CSNK2A2IP: variants seen among roughly 807,000 people sequenced by gnomAD.
The protein encoded by CSNK2A2IP is casein kinase 2 subunit alpha' interacting protein.
the CSNK2A2IP span, among the ~76,000 whole-genome samples, chr3:88,363,776 T>C: frequency 0.024 from 3,699 of 152,274 alleles, 95 homozygotes; most frequent in East Asian, 0.075. Flanking sequence ...TATAAGTTAA[T>C]TTTTCCTCAC....
chr3:88,456,937 A>G, the CSNK2A2IP span, among the ~76,000 whole-genome samples: 2 of 152,046 alleles, frequency 1.3e-5, no homozygotes, highest in Non-Finnish European at 2.9e-5. Flanking sequence ...TCTTGAATAG[A>G]TATTCAAACT....
chr3:88,453,441 TTAAA>T, the CSNK2A2IP span, among the ~76,000 whole-genome samples: 20 of 152,080 alleles, frequency 1.3e-4, no homozygotes, highest in Non-Finnish European at 2.6e-4. Flanking sequence ...TGCTAGAAAA[TTAAA>T]TCTGTACATA....
At chr3:88,448,411 A>G in the CSNK2A2IP span, among the ~76,000 whole-genome samples, 2 of 152,252 alleles carry the variant, frequency 1.3e-5, no homozygotes, top group Middle Eastern at 3.4e-3. Flanking sequence ...CTCTATCTAA[A>G]CCAATTAATA....
the CSNK2A2IP span, among the ~76,000 whole-genome samples, chr3:88,449,860 T>TAC: frequency 2.1e-5 from 1 of 46,836 alleles, no homozygotes; most frequent in East Asian, 8.8e-4. Context: ...CACACATATA[T>TAC]ATATATATAT....
At chr3:88,466,627 G>A in the CSNK2A2IP span, 21 of 1,230,502 alleles carry the variant, frequency 1.7e-5, no homozygotes, top group Admixed American at 4.2e-5. Flanking sequence ...CATTGTTAAA[G>A]GTGGAACTGT....
chr3:88,423,979 G>A, the CSNK2A2IP span, among the ~76,000 whole-genome samples: 4 of 152,060 alleles, frequency 2.6e-5, no homozygotes, highest in Non-Finnish European at 5.9e-5. Flanking sequence ...TTAAAAATTA[G>A]GCTACACAAA....
chr3:88,364,810 A>G, the CSNK2A2IP span, among the ~76,000 whole-genome samples: 3 of 152,192 alleles, frequency 2.0e-5, no homozygotes, highest in Non-Finnish European at 4.4e-5. Context: ...AATGAAGCAC[A>G]GATTTTAGAC....
At chr3:88,450,899 C>G in the CSNK2A2IP span, among the ~76,000 whole-genome samples, 1 of 151,996 alleles carries the variant, frequency 6.6e-6, no homozygotes, top group African/African-American at 2.4e-5. Flanking sequence ...TATTGTAGTT[C>G]TATTTTTAAT....
At chr3:88,428,031 G>A in the CSNK2A2IP span, among the ~76,000 whole-genome samples, 2 of 152,144 alleles carry the variant, frequency 1.3e-5, no homozygotes, top group Non-Finnish European at 2.9e-5. Context: ...CCAGAAGGGG[G>A]GCTGTGGGTT....
the CSNK2A2IP span, among the ~76,000 whole-genome samples, chr3:88,364,561 T>C: frequency 2.0e-5 from 3 of 152,002 alleles, no homozygotes; most frequent in East Asian, 1.9e-4. Context: ...GGAGATAATA[T>C]AGGATGTTGG....
At chr3:88,344,058 G>A in the CSNK2A2IP span, among the ~76,000 whole-genome samples, 1 of 151,856 alleles carries the variant, frequency 6.6e-6, no homozygotes, top group African/African-American at 2.4e-5. Context: ...ACATTTTAGT[G>A]CTAAAAACTT....
the CSNK2A2IP span, among the ~76,000 whole-genome samples, chr3:88,363,476 A>G: frequency 3.3e-5 from 5 of 152,086 alleles, no homozygotes; most frequent in Admixed American, 6.5e-5. Flanking sequence ...ACTTTCTGCT[A>G]CTTCTAATAA....
the CSNK2A2IP span, chr3:88,467,283 C>A: frequency 5.0e-6 from 2 of 400,814 alleles, no homozygotes; most frequent in South Asian, 1.3e-4. Context: ...CATCTTCTTC[C>A]TCCTCTTCCT....
the CSNK2A2IP span, among the ~76,000 whole-genome samples, chr3:88,367,388 G>C: frequency 6.6e-6 from 1 of 151,972 alleles, no homozygotes; most frequent in Non-Finnish European, 1.5e-5. Flanking sequence ...AAGGAAATTG[G>C]GGAAAGAAAG....
At chr3:88,406,926 G>T in the CSNK2A2IP span, among the ~76,000 whole-genome samples, 1 of 152,212 alleles carries the variant, frequency 6.6e-6, no homozygotes, top group Non-Finnish European at 1.5e-5. Flanking sequence ...TCATGTGGCC[G>T]ACACGGAGGT....
the CSNK2A2IP span, among the ~76,000 whole-genome samples, chr3:88,403,966 GATTCA>G: frequency 1.3e-5 from 2 of 152,060 alleles, no homozygotes; most frequent in African/African-American, 4.8e-5. Context: ...GATGGAAGTA[GATTCA>G]ATTCTTTTCT....
At chr3:88,448,773 G>A in the CSNK2A2IP span, among the ~76,000 whole-genome samples, 1 of 152,252 alleles carries the variant, frequency 6.6e-6, no homozygotes, top group Non-Finnish European at 1.5e-5. Flanking sequence ...CAAGTCTGAG[G>A]TTTTGCCTGG....
At chr3:88,344,017 C>T in the CSNK2A2IP span, among the ~76,000 whole-genome samples, 1 of 151,888 alleles carries the variant, frequency 6.6e-6, no homozygotes, top group Non-Finnish European at 1.5e-5. Context: ...AAGAATATTT[C>T]CACAATGTTT....
the CSNK2A2IP span, among the ~76,000 whole-genome samples, chr3:88,343,564 A>G: frequency 6.6e-6 from 1 of 151,976 alleles, no homozygotes; most frequent in African/African-American, 2.4e-5. Context: ...TGACATTGGT[A>G]TAGGAATCAA....
Sources: allele counts gnomAD v4.1 joint callset (sites outside exome capture counted in the v4.1 genomes callset), GRCh38; gene constraint gnomAD v4.1.1; transcripts MANE v1.5; gene names NCBI Gene and HGNC (gene_info 2026-07-23, HGNC 2026-07-21).